Variants in CNNM4 observed in about 807,000 individuals in gnomAD.
CNNM4 encodes the protein cyclin and CBS domain divalent metal cation transport mediator 4.
Under a neutral mutation model 53.7 loss-of-function variants are expected in CNNM4, and 32 were observed. That is an observed-to-expected ratio of 0.60 (90% confidence interval 0.45 to 0.80). The LOEUF is 0.80. Among genes scored for constraint, CNNM4 ranks in the 30% least tolerant of loss-of-function variants. CNNM4 has a pLI of 0.00. For synonymous variants in CNNM4, 410 were observed against 440.0 expected, an observed-to-expected ratio of 0.93 and a Z score of 0.85; for missense variants, 784 against 1,022.0, an observed-to-expected ratio of 0.77 and a Z score of 3.17.
At position 96,761,036 on chromosome 2, in the gene CNNM4, G is replaced by T. The variant is rs1248480107; in HGVS notation, c.37G>T (p.Gly13Ter). The change falls in exon 1 of 7, where the codon GGA becomes TGA. Residue 13 changes from glycine (G) to a stop codon, truncating the protein, a stop_gained. Transcript: ENST00000377075. LOFTEE classifies it high-confidence loss of function. The surrounding 1 kb of genome is among the most constrained non-coding windows in gnomAD (Gnocchi z 6.0). ...PVGGGGRPVG[G>*]PARGRLLLAA... ...GGGCGGGGGCGGGCGCCCGGTCGGCGGACCGGCCCGCGGGCGCCTCCTCCT... is the reference window on the plus strand; with the variant it reads ...GGGCGGGGGCGGGCGCCCGGTCGGCTGACCGGCCCGCGGGCGCCTCCTCCT... The T allele has an allele frequency of 8.2e-7, 1 of 1,221,046 alleles. No individual in the cohort carries two copies. The highest frequency in any genetic ancestry group is 4.1e-5 in the South Asian group (1 of 24,274). The allele number at this position is 1,221,046 out of a possible 1,614,324, so 75.6% of individuals were successfully genotyped here. A position where few individuals can be genotyped will look rare whatever the true frequency, so the allele number is the denominator to read the frequency against.
chr2:96,768,081 A>AAAC (rs757888249), intron 1 of CNNM4, among the ~76,000 whole-genome samples: 1 of 152,266 alleles, frequency 6.6e-6, no homozygotes, highest in East Asian at 1.9e-4. Context: ...AAACAAAACG[A>AAAC]AACAACAACA....
chr2:96,780,972 CTT>C (rs1049996269), intron 1 of CNNM4, among the ~76,000 whole-genome samples: 236 of 49,914 alleles, frequency 4.7e-3, no homozygotes, highest in Non-Finnish European at 7.0e-3. Context: ...ATCTCGAACT[CTT>C]TTTTTTTTTT....
In CNNM4 at chr2:96,790,439, C is replaced by T. The variant is rs369844146; in HGVS notation, c.1403-6573C>T. On this transcript the variant is annotated intron_variant, in intron 1 of 6. Coordinates refer to ENST00000377075, the MANE Select transcript of CNNM4 (RefSeq NM_020184.4). ...GCACGATCTCGGCGCACTGCAACCT[C>T]CACCTCCCAGATTCAAGCGATTCTC... Among the ~76,000 whole-genome samples, 26 of 151,962 alleles carry T rather than the reference C, an allele frequency of 1.7e-4. 2 individuals are homozygous for T. Among genetic ancestry groups the T allele is most frequent in the Admixed American group, 7.2e-4 (11 of 15,270 alleles).
At chr2:96,770,470 C>T (rs899512419) in intron 1 of CNNM4, among the ~76,000 whole-genome samples, 3 of 152,160 alleles carry the variant, frequency 2.0e-5, no homozygotes, top group South Asian at 2.1e-4. Flanking sequence ...TTTGCTAGGG[C>T]GGGTAGACAT....
At chr2:96,780,047 G>A (rs1236049913) in intron 1 of CNNM4, among the ~76,000 whole-genome samples, 1 of 152,070 alleles carries the variant, frequency 6.6e-6, no homozygotes. Context: ...TAATCTGCCC[G>A]TCTTGGCCTC....
At position 96,761,812 on chromosome 2, in the gene CNNM4, G is replaced by C. The variant is rs766669677; in HGVS notation, c.813G>C (p.Ala271=). Residue 271 remains alanine (A), a synonymous_variant, in exon 1 of 7, where the codon GCG becomes GCC. Coordinates refer to ENST00000377075, the MANE Select transcript of CNNM4 (RefSeq NM_020184.4). The surrounding 1 kb of genome is among the most constrained non-coding windows in gnomAD (Gnocchi z 6.0). The part of the protein sequence containing the change: ...LDNLIGSGLM[A]VASSTIGIVI... ...ACCTCATCGGGTCCGGCCTCATGGC[G>C]GTGGCCTCCTCCACCATTGGCATTG... 3.1e-6 allele frequency: 5 copies of C among 1,613,940 alleles called. No homozygotes were observed. The South Asian group carries it at 5.5e-5, about 18-fold the overall frequency.
Position 96,811,099 on chromosome 2 carries a change from A to G in CNNM4, c.*1582A>G, listed in dbSNP as rs966804922. The G allele has an allele frequency of 3.9e-5, 6 of 152,206 alleles. No homozygotes were observed. Among genetic ancestry groups the G allele is most frequent in the African/African-American group, 1.4e-4 (6 of 41,434 alleles). The allele number at this position is 152,206 out of a possible 1,614,324, so 9.4% of individuals were successfully genotyped here. A position where few individuals can be genotyped will look rare whatever the true frequency, so the allele number is the denominator to read the frequency against. ...GCCCTGCTCTCCAGGTGCCTAGAGT[A>G]TCCTAACTCTTAGGACCAGGGATTG... On this transcript the variant is annotated 3_prime_UTR_variant, in exon 7 of 7. Coordinates refer to ENST00000377075, the MANE Select transcript of CNNM4 (RefSeq NM_020184.4).
In CNNM4 at chr2:96,808,442, G is replaced by C. The variant is rs2079227632; in HGVS notation, c.1949-119G>C. 2 of 985,946 alleles carry C rather than the reference G, an allele frequency of 2.0e-6. No homozygotes were observed. The highest frequency in any genetic ancestry group is 1.6e-6 in the Non-Finnish European group (1 of 631,886). 61.1% of individuals were successfully genotyped at this position (985,946 alleles called of 1,614,324 possible). A position where few individuals can be genotyped will look rare whatever the true frequency, so the allele number is the denominator to read the frequency against. ...TCTACATGCTTCTGTTTGTCCCTAA[G>C]AATGACTTCCTGTTCCTGGGTGGGG... On this transcript the variant is annotated intron_variant, in intron 5 of 6. Transcript: ENST00000377075. The surrounding 1 kb of genome is among the most constrained non-coding windows in gnomAD (Gnocchi z 4.9).
At chr2:96,807,184 T>C (rs1020454726) in intron 5 of CNNM4, among the ~76,000 whole-genome samples, 2 of 152,202 alleles carry the variant, frequency 1.3e-5, no homozygotes, top group African/African-American at 4.8e-5. Context: ...CTAATTTTTG[T>C]ATTTTTTGTA....
At chr2:96,789,472 G>A (rs1218678177) in intron 1 of CNNM4, among the ~76,000 whole-genome samples, 2 of 152,130 alleles carry the variant, frequency 1.3e-5, no homozygotes, top group Non-Finnish European at 2.9e-5. Flanking sequence ...TTTGACTGTG[G>A]AGGGCACGGT....
rs774130429 is a variant in CNNM4 at position 96,762,311 on chromosome 2, C to G, written c.1312C>G (p.Leu438Val). The G allele has an allele frequency of 1.1e-5, 18 of 1,614,076 alleles. No individual in the cohort carries two copies. The Admixed American group carries it at 2.2e-4, about 19-fold the overall frequency. ...TGTGGACCCCGATGACTGCACCCCC[C>G]TCAAGACTATCACTCGCTTCTATAA... The part of the protein sequence containing the change: ...AFVDPDDCTP[L>V]KTITRFYNHP... The change falls in exon 1 of 7, where the codon CTC (leucine) becomes GTC (valine). Residue 438 changes from leucine (L) to valine (V), a missense_variant. By Grantham distance (32) the Leu-to-Val change is conservative (BLOSUM62 1). Coordinates refer to ENST00000377075, the MANE Select transcript of CNNM4 (RefSeq NM_020184.4).
chr2:96,774,242 T>C (rs1042824784), intron 1 of CNNM4, among the ~76,000 whole-genome samples: 3 of 152,040 alleles, frequency 2.0e-5, no homozygotes, highest in Non-Finnish European at 4.4e-5. Context: ...GCCTCCCAGG[T>C]GTCTCAGGGA....
At chr2:96,796,308 C>T (rs190836506) in intron 1 of CNNM4, among the ~76,000 whole-genome samples, 136 of 151,912 alleles carry the variant, frequency 9.0e-4, no homozygotes, top group African/African-American at 3.0e-3. Context: ...CCACACCTAG[C>T]TGATTTTTGT....
chr2:96,806,342 T>C (rs2079205603), intron 5 of CNNM4, among the ~76,000 whole-genome samples: 1 of 151,720 alleles, frequency 6.6e-6, no homozygotes, highest in Non-Finnish European at 1.5e-5. Flanking sequence ...CAGACTTCTC[T>C]CTCTTTTTTT....
intron 1 of CNNM4, among the ~76,000 whole-genome samples, chr2:96,794,670 T>A (rs1240977299): frequency 6.6e-6 from 1 of 152,150 alleles, no homozygotes; most frequent in Non-Finnish European, 1.5e-5. Context: ...CTTGTGTCTT[T>A]TGTGAAGGTT....
chr2:96,783,963 A>C (rs1223598041), intron 1 of CNNM4, among the ~76,000 whole-genome samples: 1 of 152,272 alleles, frequency 6.6e-6, no homozygotes, highest in African/African-American at 2.4e-5. Context: ...ATATATATCC[A>C]TTTTAAAACA....
At chr2:96,784,782 C>A (rs757133683) in intron 1 of CNNM4, among the ~76,000 whole-genome samples, 3 of 152,232 alleles carry the variant, frequency 2.0e-5, no homozygotes, top group Non-Finnish European at 4.4e-5. Flanking sequence ...TAGGGCAACT[C>A]TCTCCTGGGA....
intron 1 of CNNM4, among the ~76,000 whole-genome samples, chr2:96,782,945 C>T (rs1268297660): frequency 2.6e-5 from 4 of 152,072 alleles, no homozygotes; most frequent in Non-Finnish European, 5.9e-5. Context: ...GGGGCTCACA[C>T]GTGTAATCCT....
intron 6 of CNNM4, among the ~76,000 whole-genome samples, chr2:96,809,069 T>G (rs1044852267): frequency 1.9e-4 from 29 of 151,740 alleles, no homozygotes; most frequent in Admixed American, 1.0e-3. Context: ...TTGAGACTCC[T>G]GGGCTCAAGC....
Sources: allele counts gnomAD v4.1 joint callset (sites outside exome capture counted in the v4.1 genomes callset), GRCh38; gene constraint gnomAD v4.1.1; non-coding constraint Gnocchi (gnomAD v3.1); transcripts MANE v1.5; gene names NCBI Gene and HGNC (gene_info 2026-07-23, HGNC 2026-07-21).